The following CTIF variants were observed in gnomAD, a reference collection of about 807,000 sequenced individuals.
CTIF encodes CBP80/20-dependent translation initiation factor.
In CTIF, 21 loss-of-function variants were observed where a neutral mutation model predicts 66.0. The observed-to-expected ratio is 0.32, with a 90% CI of 0.23 to 0.46. CTIF has a LOEUF of 0.46. Among genes scored for constraint, CTIF ranks in the 20% least tolerant of loss-of-function variants. The pLI is 1.00. For synonymous variants in CTIF, 345 were observed against 326.4 expected (o/e 1.06, Z -0.62); for missense variants, 739 against 812.7 (o/e 0.91, Z 1.10).
Position 48,617,284 on chromosome 18 carries a change from C to T in CTIF, c.-28-2254C>T, listed in dbSNP as rs1006948089. On this transcript the variant is annotated intron_variant, in intron 1 of 11. Transcript: ENST00000256413. ...TCTTTCTCATGCTTTGGATCTCTGG[C>T]TTCTTCTGCTGTGCTGAGCTCTAGT... is the stretch of plus-strand genomic sequence containing the variant. 8.5e-5 allele frequency among the ~76,000 whole-genome samples: 13 copies of T among 152,334 alleles called. No individual in the cohort carries two copies. In the South Asian group the frequency reaches 1.9e-3, roughly 22 times the overall value.
chr18:48,708,585 G>A (rs1024801206), intron 6 of CTIF, among the ~76,000 whole-genome samples: 9 of 152,200 alleles, frequency 5.9e-5, no homozygotes, highest in African/African-American at 2.2e-4. Flanking sequence ...GCCCCAGGTG[G>A]CCTTATACAT....
intron 3 of CTIF, among the ~76,000 whole-genome samples, chr18:48,651,834 A>G (rs1248385288): frequency 6.6e-6 from 1 of 152,232 alleles, no homozygotes; most frequent in African/African-American, 2.4e-5. Context: ...ACACAACTAC[A>G]CAGAAACTGA....
intron 2 of CTIF, among the ~76,000 whole-genome samples, chr18:48,623,931 A>G (rs1363398559): frequency 1.4e-5 from 2 of 145,714 alleles, no homozygotes; most frequent in Admixed American, 6.7e-5. Context: ...TAGATAATAG[A>G]TAGATAAGAT....
At chr18:48,615,685 G>A (rs1424721321) in intron 1 of CTIF, among the ~76,000 whole-genome samples, 3 of 152,236 alleles carry the variant, frequency 2.0e-5, no homozygotes, top group Admixed American at 6.5e-5. Flanking sequence ...CGCATGGGGC[G>A]CTAGCTCCTC....
chr18:48,663,633 A>T, intron 3 of CTIF, 119 bp from the exon 4 acceptor site: 1 of 870,216 alleles, frequency 1.1e-6, no homozygotes, highest in Non-Finnish European at 1.9e-6. Context: ...TGGGTGCACC[A>T]GCCACCATAC....
chr18:48,587,401 G>A (rs555559304), intron 1 of CTIF, among the ~76,000 whole-genome samples: 8 of 151,746 alleles, frequency 5.3e-5, no homozygotes, highest in South Asian at 4.2e-4. Flanking sequence ...AAATAATAAC[G>A]AAAACTCCAA....
intron 6 of CTIF, among the ~76,000 whole-genome samples, chr18:48,695,876 G>C (rs530296238): frequency 1.3e-5 from 2 of 152,208 alleles, no homozygotes; most frequent in East Asian, 3.9e-4. Flanking sequence ...GAAAGAGTTC[G>C]CAGGGAACTT....
intron 9 of CTIF, among the ~76,000 whole-genome samples, chr18:48,793,720 A>G (rs906617177): frequency 6.6e-6 from 1 of 152,150 alleles, no homozygotes; most frequent in Non-Finnish European, 1.5e-5. Flanking sequence ...ATTGCTCCCA[A>G]ATACTTCTTT....
At chr18:48,807,308 T>C (rs567462446) in intron 9 of CTIF, among the ~76,000 whole-genome samples, 1 of 152,330 alleles carries the variant, frequency 6.6e-6, no homozygotes, top group East Asian at 1.9e-4. Flanking sequence ...GCCAGTTTCT[T>C]TTAAAATAGC....
chr18:48,651,515 C>T (rs761686239), intron 3 of CTIF, among the ~76,000 whole-genome samples: 14 of 152,168 alleles, frequency 9.2e-5, no homozygotes, highest in Admixed American at 2.6e-4. Context: ...ACAATAATAA[C>T]GGGAGACTTT....
At chr18:48,625,313 A>T (rs2090574249) in intron 2 of CTIF, 4 of 592,236 alleles carry the variant, frequency 6.8e-6, no homozygotes, top group Non-Finnish European at 8.5e-6. Context: ...TAAAAAATGT[A>T]TTCTAAATTA....
chr18:48,813,312 C>T (rs549923971), intron 9 of CTIF, among the ~76,000 whole-genome samples: 4 of 152,316 alleles, frequency 2.6e-5, no homozygotes, highest in Admixed American at 2.6e-4. Flanking sequence ...ACATACAAGC[C>T]CACATGTTTT....
chr18:48,708,035 G>A (rs1284249636), intron 6 of CTIF, among the ~76,000 whole-genome samples: 2 of 152,226 alleles, frequency 1.3e-5, no homozygotes, highest in African/African-American at 4.8e-5. Context: ...TCATGTTGTA[G>A]TGTGGCTCAG....
chr18:48,742,698 G>A (rs903542777), intron 7 of CTIF, among the ~76,000 whole-genome samples: 16 of 152,244 alleles, frequency 1.1e-4, no homozygotes, highest in African/African-American at 3.9e-4. Flanking sequence ...TTCACAAATG[G>A]AGAAACTGAG....
rs1417814964 is a variant in CTIF, at chr18:48,664,517, C to A, written c.397C>A (p.Pro133Thr). ...TQFHRKVRHT[P>T]KQPLPHIDRE... ...GTTCCACCGCAAAGTCCGACACACG[C>A]CCAAGCAGCCCCTGCCACACATCGA... Residue 133 changes from proline (P) to threonine (T), a missense_variant, in exon 5 of 12, where the codon CCC becomes ACC. Coordinates refer to ENST00000256413, the MANE Select transcript of CTIF (RefSeq NM_014772.3). 17 of 1,612,970 alleles carry A rather than the reference C, an allele frequency of 1.1e-5. No individual in the cohort carries two copies. The highest frequency in any genetic ancestry group is 1.4e-5 in the Non-Finnish European group (17 of 1,179,986).
intron 5 of CTIF, among the ~76,000 whole-genome samples, chr18:48,667,210 G>A (rs1188523203): frequency 1.3e-5 from 2 of 152,178 alleles, no homozygotes; most frequent in Non-Finnish European, 2.9e-5. Flanking sequence ...TGTAGGGGAA[G>A]AAAGACTAGA....
intron 10 of CTIF, among the ~76,000 whole-genome samples, chr18:48,821,130 C>A (rs908777984): frequency 6.6e-6 from 1 of 152,162 alleles, no homozygotes; most frequent in African/African-American, 2.4e-5. Flanking sequence ...CTTCCTAGGC[C>A]CAGTTTGAAG....
In CTIF at chr18:48,758,338, G is replaced by T. The variant is rs751785297; in HGVS notation, c.1004G>T (p.Gly335Val). Residue 335 changes from glycine to valine, a missense_variant, in exon 8 of 12, where the codon GGG becomes GTG. Gly to Val is a moderately radical substitution (Grantham distance 109). Coordinates refer to ENST00000256413, the MANE Select transcript of CTIF (RefSeq NM_014772.3). The stretch of plus-strand genomic sequence containing the variant: ...GACAGTATTCTTCCCGAGCGCATCG[G>T]GGAGCGGCCCAAAATTACCCTGCTC... The part of the protein sequence containing the change: ...RKDSILPERI[G>V]ERPKITLLQS... The T allele has an allele frequency of 2.5e-6, 4 of 1,612,340 alleles. No homozygotes were observed. The highest frequency in any genetic ancestry group is 3.4e-6 in the Non-Finnish European group (4 of 1,179,690).
chr18:48,767,512 A>G (rs1382743438), intron 9 of CTIF, among the ~76,000 whole-genome samples: 1 of 152,184 alleles, frequency 6.6e-6, no homozygotes, highest in Admixed American at 6.5e-5. Flanking sequence ...ATGCAGAGCA[A>G]AGTATTATTA....
Sources: allele counts gnomAD v4.1 joint callset (sites outside exome capture counted in the v4.1 genomes callset), GRCh38; gene constraint gnomAD v4.1.1; transcripts MANE v1.5; gene names NCBI Gene and HGNC (gene_info 2026-07-23, HGNC 2026-07-21).